PDE4DIP: variants seen among roughly 807,000 people sequenced by gnomAD.
PDE4DIP encodes phosphodiesterase 4D interacting protein, also known as myomegalin.
Under a neutral mutation model 221.4 loss-of-function variants are expected in PDE4DIP, and 59 were observed. The observed-to-expected ratio is 0.27, with a 90% confidence interval of 0.22 to 0.33. The LOEUF is 0.33. Ranked by LOEUF, PDE4DIP falls within the 10% of genes least tolerant of loss-of-function variation. The probability of loss-of-function intolerance (pLI) is 1.00; values close to 1 mark genes in which losing one functional copy is unlikely to be tolerated. For synonymous variants in PDE4DIP, 404 were observed against 815.9 expected (o/e 0.50, Z 8.60); for missense variants, 1,036 against 2,154.2 (o/e 0.48, Z 10.28).
chr1:148,938,557 CAAT>C (rs2049791691), intron 5 of PDE4DIP: 1 of 152,088 alleles, frequency 6.6e-6, no homozygotes, highest in Non-Finnish European at 1.5e-5. Context: ...ATAGAACATA[CAAT>C]GTTTTAGGGG....
chr1:148,844,068 A>C (rs1571704830), intron 1 of PDE4DIP, among the ~76,000 whole-genome samples: 1 of 46,260 alleles, frequency 2.2e-5, no homozygotes, highest in African/African-American at 5.8e-5. Flanking sequence ...ATCTGCATTC[A>C]GCCGGGATTG....
At chr1:148,863,422 T>C in intron 2 of PDE4DIP, 117 bp downstream of exon 2, 1 of 336,114 alleles carries the variant, frequency 3.0e-6, no homozygotes, top group Non-Finnish European at 4.8e-6. Context: ...AGTGGTGTGA[T>C]CATAGCTCAC....
intron 42 of PDE4DIP, 127 bp from the exon 46 acceptor site, chr1:149,030,105 G>T (rs1201661898): frequency 1.8e-5 from 16 of 909,860 alleles, no homozygotes; most frequent in East Asian, 5.4e-5. Flanking sequence ...AGGACAGGGG[G>T]TGGATAGAAG....
chr1:149,006,662 G>C (rs1246998587), intron 27 of PDE4DIP: 4 of 142,928 alleles, frequency 2.8e-5, no homozygotes, highest in Non-Finnish European at 4.5e-5. Flanking sequence ...TTTATCTAGG[G>C]ACATATAATT....
chr1:149,023,628 GTA>G (rs369401903), intron 37 of PDE4DIP, among the ~76,000 whole-genome samples: 52 of 136,230 alleles, frequency 3.8e-4, no homozygotes, highest in South Asian at 4.9e-4. Flanking sequence ...ATATGTACAT[GTA>G]TATGTGTGCA....
chr1:148,829,147 T>C (rs1408750171), intron 1 of PDE4DIP, among the ~76,000 whole-genome samples: 287 of 140,014 alleles, frequency 2.0e-3, no homozygotes, highest in African/African-American at 7.0e-3. Context: ...AATCCACTTA[T>C]TCAGCTTCCT....
rs1449045073 is a variant in PDE4DIP at position 148,963,719 on chromosome 1, TTCTTTCTTTCCTCTC to T, written c.1194+1092_1194+1106del. 3.6e-3 allele frequency among the ~76,000 whole-genome samples: 543 copies of T among 150,812 alleles called. 1 individual carries two copies. The highest frequency in any genetic ancestry group is 0.026 in the Admixed American group (372 of 14,582). ...TACGATTCTTTTCTTTTCTTTTCTT[TTCTTTCTTTCCTCTC>T]TCTTTCTTTCCTTCTTTTTTTTTTT... On this transcript the variant is annotated intron_variant, in intron 9 of 43. Coordinates refer to ENST00000369354, the Ensembl canonical transcript of PDE4DIP.
intron 1 of PDE4DIP, among the ~76,000 whole-genome samples, chr1:148,915,243 G>T (rs1553457438): frequency 1.3e-5 from 2 of 152,130 alleles, no homozygotes; most frequent in African/African-American, 4.8e-5. Flanking sequence ...TGCCTCCTGG[G>T]TTCAAGCGAT....
chr1:149,000,621 T>C (rs1279150312), intron 23 of PDE4DIP, among the ~76,000 whole-genome samples: 1 of 151,908 alleles, frequency 6.6e-6, no homozygotes, highest in Non-Finnish European at 1.5e-5. Flanking sequence ...TGTGGATTCA[T>C]AGGCCTTAGC....
chr1:149,029,635 C>T (rs1559452254), intron 41 of PDE4DIP, 152 bp from the exon 45 acceptor site: 3 of 678,952 alleles, frequency 4.4e-6, no homozygotes, highest in Admixed American at 2.8e-5. Context: ...GAACTGTCCT[C>T]AGCTGGAGGT....
chr1:148,961,557 C>A (rs1401513297), intron 6 of PDE4DIP, among the ~76,000 whole-genome samples: 2 of 152,208 alleles, frequency 1.3e-5, no homozygotes, highest in Non-Finnish European at 2.9e-5. Context: ...CACTTGCCTA[C>A]TTGGTCCATG....
At chr1:148,883,659 TTGAG>T (rs1482687371) in intron 3 of PDE4DIP, among the ~76,000 whole-genome samples, 1 of 42,254 alleles carries the variant, frequency 2.4e-5, no homozygotes, top group African/African-American at 1.1e-4. Flanking sequence ...TTGGCATTGA[TTGAG>T]TCTTTATTTA....
chr1:148,923,700 C>G (rs1274228423), intron 1 of PDE4DIP, among the ~76,000 whole-genome samples: 1 of 145,088 alleles, frequency 6.9e-6, no homozygotes, highest in Non-Finnish European at 1.5e-5. Context: ...GTCTCGATCT[C>G]CCGACCTCGT....
intron 1 of PDE4DIP, among the ~76,000 whole-genome samples, chr1:148,827,640 GA>G (rs1670903200): frequency 8.8e-6 from 1 of 113,608 alleles, no homozygotes; most frequent in Non-Finnish European, 2.0e-5. Flanking sequence ...TAGGGGTGAA[GA>G]ATCTACATCT....
At chr1:148,905,253 G>A (rs1201216332) in intron 1 of PDE4DIP, among the ~76,000 whole-genome samples, 125 of 123,710 alleles carry the variant, frequency 1.0e-3, no homozygotes, top group African/African-American at 3.9e-3. Flanking sequence ...GTGCGATCTC[G>A]GCTCACTACA....
intron 37 of PDE4DIP, among the ~76,000 whole-genome samples, chr1:149,022,438 C>T (rs587721862): frequency 6.6e-6 from 1 of 151,894 alleles, no homozygotes; most frequent in Admixed American, 6.6e-5. Flanking sequence ...TTTTATGTCC[C>T]TCCAGAAGGC....
chr1:149,013,781 CTTTTTTTTTT>C lies in PDE4DIP; in HGVS notation c.5266+1020_5266+1029del, dbSNP rs71582768. On this transcript the variant is annotated intron_variant, in intron 32 of 43. Coordinates refer to ENST00000369354, the Ensembl canonical transcript of PDE4DIP. ...CCAGCATATTTCTTTCCTTCTTCCT[CTTTTTTTTTT>C]TTTTTTTTTTTTTTGAGACAGGGTC... is the stretch of plus-strand genomic sequence containing the variant. Among the ~76,000 whole-genome samples, 33 of 31,946 alleles carry C rather than the reference CTTTTTTTTTT, an allele frequency of 1.0e-3. 2 individuals are homozygous for C. In the Admixed American group the frequency reaches 0.015, roughly 14 times the overall value. 21.0% of individuals were successfully genotyped at this position (31,946 alleles called of 152,430 possible). A position where few individuals can be genotyped will look rare whatever the true frequency, so the allele number is the denominator to read the frequency against.
At position 148,818,055 on chromosome 1, in the gene PDE4DIP, G is replaced by T. The variant is rs1200104515; in HGVS notation, c.233+9318G>T. On this transcript the variant is annotated intron_variant, in intron 1 of 45. Coordinates refer to the PDE4DIP transcript ENST00000524974. ...TGGTCTCAAACTTCTGACCTCAGGT[G>T]ATCTGCCCGCCTCCTCCCAAAGTGC... 2.0e-5 allele frequency among the ~76,000 whole-genome samples: 3 copies of T among 150,084 alleles called. 1 individual carries two copies. The highest frequency in any genetic ancestry group is 4.4e-5 in the Non-Finnish European group (3 of 67,542).
chr1:149,018,178 G>T (rs1336103011), intron 34 of PDE4DIP, among the ~76,000 whole-genome samples: 2 of 151,686 alleles, frequency 1.3e-5, no homozygotes, highest in African/African-American at 4.8e-5. Flanking sequence ...GGTCTGTAAG[G>T]GTCCTCCCAC....
Sources: allele counts gnomAD v4.1 joint callset (sites outside exome capture counted in the v4.1 genomes callset), GRCh38; gene constraint gnomAD v4.1.1; transcripts MANE v1.5; gene names NCBI Gene and HGNC (gene_info 2026-07-23, HGNC 2026-07-21).